Variants in CNOT1 observed in about 807,000 individuals in gnomAD.
The protein encoded by CNOT1 is CCR4-NOT transcription complex subunit 1.
Under a neutral mutation model 273.8 loss-of-function variants are expected in CNOT1, and 15 were observed. The observed-to-expected ratio is 0.05, with a 90% CI of 0.04 to 0.08. The LOEUF is 0.08. CNOT1 is among the 10% of genes least tolerant of loss of function. The pLI is 1.00. For missense variants in CNOT1, 1,644 were observed against 2,912.2 expected, an observed-to-expected ratio of 0.56 and a Z score of 10.02; for synonymous variants, 1,022 against 1,005.5, an observed-to-expected ratio of 1.02 and a Z score of -0.31.
At chr16:58,557,690 A>G (rs144935251) in intron 18 of CNOT1, among the ~76,000 whole-genome samples, 1,803 of 152,274 alleles carry the variant, frequency 0.012, 116 homozygotes, top group Admixed American at 0.11. Flanking sequence ...AATATCTGGG[A>G]AAAAAACTGA....
chr16:58,559,742 G>T, intron 17 of CNOT1: 1 of 475,476 alleles, frequency 2.1e-6, no homozygotes, highest in Non-Finnish European at 4.4e-6. Context: ...GAAAATAGAA[G>T]CGCAATATGT....
chr16:58,545,345 A>G lies in CNOT1; in HGVS notation c.4137+16T>C. 1 of 1,610,760 alleles carries G rather than the reference A, an allele frequency of 6.2e-7. No individual in the cohort carries two copies. Among genetic ancestry groups the G allele is most frequent in the Non-Finnish European group, 8.5e-7 (1 of 1,178,764 alleles). ...CACAAACTAGAAGCTGGGAGAATGG[A>G]GCAGTGTTTACTTACTGTTGGATTC... On this transcript the variant is annotated intron_variant, in intron 30 of 48. Transcript: ENST00000317147.
At position 58,583,068 on chromosome 16, in the gene CNOT1, G is replaced by C; in HGVS notation, c.921C>G (p.Gly307=). 3 of 1,613,980 alleles carry C rather than the reference G, an allele frequency of 1.9e-6. No homozygotes were observed. Among genetic ancestry groups the C allele is most frequent in the South Asian group, 2.2e-5 (2 of 91,078 alleles). Residue 307 remains glycine, a synonymous_variant, in exon 9 of 49, where the codon GGC becomes GGG. Coordinates refer to ENST00000317147, the MANE Select transcript of CNOT1 (RefSeq NM_016284.5). ...MARTHSGLTD[G]IPLQSISAPG... The stretch of plus-strand genomic sequence containing the variant: ...GAATTCAACACACCTGTAATGGAAT[G>C]CCATCTGTTAATCCTGAATGAGTTC...
chr16:58,570,518 G>C (rs9788913), intron 16 of CNOT1, among the ~76,000 whole-genome samples: 48,162 of 152,052 alleles, frequency 0.32, 9,637 homozygotes, highest in Non-Finnish European at 0.45. Context: ...ACATGTTTGT[G>C]GTCCCAGCTA....
rs77893637 is a variant in CNOT1, at chr16:58,584,331, T to G, written c.806+1007A>C. ...TTGAAAATCCATCCTAACTTTTTTT[T>G]GTTAGTCTCGCTTTTTTTTGACGAA... On this transcript the variant is annotated intron_variant, in intron 8 of 48. Coordinates refer to ENST00000317147, the MANE Select transcript of CNOT1 (RefSeq NM_016284.5). Among the ~76,000 whole-genome samples the G allele has an allele frequency of 1.2e-4, 19 of 152,242 alleles. No homozygotes were observed. The East Asian group carries it at 3.5e-3, about 28-fold the overall frequency.
At chr16:58,529,839 TCAA>T (rs2039718124) in intron 43 of CNOT1, among the ~76,000 whole-genome samples, 1 of 29,282 alleles carries the variant, frequency 3.4e-5, no homozygotes, top group South Asian at 2.0e-3. Flanking sequence ...AGACTCTGTC[TCAA>T]AAAAAAAAAA....
At chr16:58,626,591 C>T (rs185332360) in intron 1 of CNOT1, among the ~76,000 whole-genome samples, 3,218 of 151,814 alleles carry the variant, frequency 0.021, 58 homozygotes, top group Non-Finnish European at 0.034. Flanking sequence ...GAAACCCCGT[C>T]TCTACCAAAA....
intron 19 of CNOT1, among the ~76,000 whole-genome samples, chr16:58,556,392 A>G (rs2040631380): frequency 6.6e-6 from 1 of 152,226 alleles, no homozygotes; most frequent in Non-Finnish European, 1.5e-5. Flanking sequence ...ATGCAGTCCC[A>G]ATGACAAGGA....
Position 58,538,273 on chromosome 16 carries a change from A to G in CNOT1, c.5136-7T>C, listed in dbSNP as rs759005031. ...TCGACATTCAATTAGGCACCTAGAA[A>G]AAGTTCAATATCTTTACTCATATAG... On this transcript the variant is annotated splice_polypyrimidine_tract_variant and splice_region_variant and intron_variant, in intron 36 of 48. Transcript: ENST00000317147. 17 of 1,082,724 alleles carry G rather than the reference A, an allele frequency of 1.6e-5. No homozygotes were observed. Among genetic ancestry groups the G allele is most frequent in the Non-Finnish European group, 2.4e-5 (17 of 694,572 alleles). 67.1% of individuals were successfully genotyped at this position (1,082,724 alleles called of 1,614,324 possible). A position where few individuals can be genotyped will look rare whatever the true frequency, so the allele number is the denominator to read the frequency against.
At chr16:58,622,054 T>C (rs1443438456) in intron 1 of CNOT1, among the ~76,000 whole-genome samples, 4 of 150,544 alleles carry the variant, frequency 2.7e-5, no homozygotes, top group Non-Finnish European at 4.4e-5. Flanking sequence ...GGCTCACACC[T>C]GTAATCCCAG....
chr16:58,575,470 T>A (rs1182485234), intron 14 of CNOT1, among the ~76,000 whole-genome samples: 2 of 152,160 alleles, frequency 1.3e-5, no homozygotes, highest in East Asian at 3.8e-4. Flanking sequence ...AGCACAACTA[T>A]ATCACCAGTA....
intron 16 of CNOT1, among the ~76,000 whole-genome samples, chr16:58,562,134 G>A (rs1265167563): frequency 2.0e-5 from 3 of 150,444 alleles, no homozygotes; most frequent in South Asian, 2.1e-4. Context: ...CAGGAGCCAA[G>A]ATTGCACTAC....
intron 46 of CNOT1, among the ~76,000 whole-genome samples, chr16:58,524,290 C>CT (rs776463578): frequency 1.3e-5 from 2 of 151,486 alleles, no homozygotes; most frequent in East Asian, 3.9e-4. Flanking sequence ...CACAGCCCTC[C>CT]TAAAAAGGTC....
chr16:58,532,877 T>C (rs2039814437), intron 40 of CNOT1: 1 of 154,550 alleles, frequency 6.5e-6, no homozygotes, highest in African/African-American at 2.4e-5. Flanking sequence ...ATCTCTAATT[T>C]CCCAAATCCA....
chr16:58,611,820 C>CA lies in CNOT1; in HGVS notation c.-174-12310dup, dbSNP rs10615992. 1.6e-3 allele frequency among the ~76,000 whole-genome samples: 221 copies of CA among 140,720 alleles called. 1 individual carries two copies. Among genetic ancestry groups the CA allele is most frequent in the Non-Finnish European group, 2.3e-3 (149 of 64,240 alleles). The allele number at this position is 140,720 out of a possible 152,430, so 92.3% of individuals were successfully genotyped here. A position where few individuals can be genotyped will look rare whatever the true frequency, so the allele number is the denominator to read the frequency against. On this transcript the variant is annotated intron_variant, in intron 1 of 48. Coordinates refer to ENST00000317147, the MANE Select transcript of CNOT1 (RefSeq NM_016284.5). Reference sequence around the variant, plus strand: ...TGGAAGACAGAACGAGACTCTGTCTCAAAAAAAAAAAAAAAAGAAATATTT... The same window carrying CA: ...TGGAAGACAGAACGAGACTCTGTCTCAAAAAAAAAAAAAAAAAGAAATATTT...
At chr16:58,532,422 TA>T in intron 40 of CNOT1, 27 bp from the exon 41 acceptor site, 1 of 1,604,256 alleles carries the variant, frequency 6.2e-7, no homozygotes, top group Middle Eastern at 1.7e-4. Flanking sequence ...TCAGAGCTTG[TA>T]AATCATTCAG....
intron 1 of CNOT1, among the ~76,000 whole-genome samples, chr16:58,612,873 C>T (rs1452474728): frequency 6.6e-6 from 1 of 152,136 alleles, no homozygotes; most frequent in Non-Finnish European, 1.5e-5. Flanking sequence ...AATAGAATAA[C>T]TTATGCAAGT....
At chr16:58,531,749 T>C (rs572769170) in intron 42 of CNOT1, among the ~76,000 whole-genome samples, 2 of 151,788 alleles carry the variant, frequency 1.3e-5, no homozygotes, top group Admixed American at 1.3e-4. Context: ...CACAACTGAG[T>C]TGAAGCAGCA....
rs960417287 is a variant in CNOT1 at position 58,551,644 on chromosome 16, G to A, written c.3146C>T (p.Ala1049Val). 40 of 1,614,070 alleles carry A rather than the reference G, an allele frequency of 2.5e-5. No individual in the cohort carries two copies. The highest frequency in any genetic ancestry group is 2.5e-6 in the Non-Finnish European group (3 of 1,180,030). ...TGGCCTGGTGACCGTAACCGTTTTA[G>A]CAACAGTGGTAGTTGTTGAGGTGGT... is the stretch of plus-strand genomic sequence containing the variant. Reference protein sequence around the residue: ...MVTTSTTTTVAKTVTVTRPTG... With the variant: ...MVTTSTTTTVVKTVTVTRPTG... The change falls in exon 23 of 49, where the codon GCT becomes GTT. Residue 1049 changes from alanine to valine, a missense_variant. Coordinates refer to ENST00000317147, the MANE Select transcript of CNOT1 (RefSeq NM_016284.5).
Sources: allele counts gnomAD v4.1 joint callset (sites outside exome capture counted in the v4.1 genomes callset), GRCh38; gene constraint gnomAD v4.1.1; transcripts MANE v1.5; gene names NCBI Gene and HGNC (gene_info 2026-07-23, HGNC 2026-07-21).